Variants in AKAP6 observed in about 807,000 individuals in gnomAD.
AKAP6 encodes A-kinase anchor protein 6.
AKAP6 carries 58 observed loss-of-function variants against 188.5 expected under a neutral mutation model. The observed-to-expected ratio is 0.31, with a 90% CI of 0.25 to 0.38. The LOEUF is 0.38. Ranked by LOEUF, AKAP6 falls within the 10% of genes least tolerant of loss-of-function variation. The pLI, the probability that AKAP6 is intolerant of heterozygous loss-of-function variation, is 1.00. For synonymous variants in AKAP6, 989 were observed against 998.6 expected (o/e 0.99, Z 0.18); for missense variants, 2,710 against 2,740.0 (o/e 0.99, Z 0.24).
chr14:32,671,096 G>A (rs1201203672), intron 7 of AKAP6, among the ~76,000 whole-genome samples: 1 of 152,218 alleles, frequency 6.6e-6, no homozygotes, highest in Non-Finnish European at 1.5e-5. Flanking sequence ...TGATAAGTAT[G>A]TAGGAAAGAG....
At chr14:32,355,989 G>C (rs1305840980) in intron 1 of AKAP6, among the ~76,000 whole-genome samples, 1 of 151,956 alleles carries the variant, frequency 6.6e-6, no homozygotes, top group Non-Finnish European at 1.5e-5. Flanking sequence ...ATGTTGCCCA[G>C]GCTGATCTCA....
chr14:32,823,915 C>T lies in AKAP6; in HGVS notation c.6102C>T (p.Ser2034=), dbSNP rs769885051. Residue 2034 remains serine, a synonymous_variant, in exon 13 of 14, where the codon AGC becomes AGT. Transcript: ENST00000280979. Reference sequence around the variant, plus strand: ...GAACAGAGGAAAATGCTTCTATCAGCAACATTTCCTGTTGCAACTGTGAGC... The same window carrying T: ...GAACAGAGGAAAATGCTTCTATCAGTAACATTTCCTGTTGCAACTGTGAGC... ...QNGTEENASI[S]NISCCNCEPD... is the part of the protein sequence containing the mutation. 4 of 1,613,872 alleles carry T rather than the reference C, an allele frequency of 2.5e-6. No homozygotes were observed. Among genetic ancestry groups the T allele is most frequent in the East Asian group, 4.5e-5 (2 of 44,872 alleles).
At chr14:32,409,783 T>C in intron 1 of AKAP6, among the ~76,000 whole-genome samples, 1 of 152,230 alleles carries the variant, frequency 6.6e-6, no homozygotes, top group Non-Finnish European at 1.5e-5. Context: ...TGATGTCAGA[T>C]GCTCATCTCT....
Position 32,837,413 on chromosome 14 carries a change from A to G in AKAP6, c.*7608A>G, listed in dbSNP as rs1452409679. On this transcript the variant is annotated 3_prime_UTR_variant, in exon 14 of 14. Transcript: ENST00000280979. ...TTTATTCAAGGACTTAAAATGATTG[A>G]AGGCATTAGGAACATAAAAATGCAT... 6.6e-6 allele frequency: 1 copy of G among 152,238 alleles called. No individual in the cohort carries two copies. The highest frequency in any genetic ancestry group is 1.5e-5 in the Non-Finnish European group (1 of 68,038). The allele number at this position is 152,238 out of a possible 1,614,324, so 9.4% of individuals were successfully genotyped here.
intron 1 of AKAP6, among the ~76,000 whole-genome samples, chr14:32,356,631 T>G (rs189765662): frequency 2.0e-5 from 3 of 152,302 alleles, no homozygotes; most frequent in African/African-American, 7.2e-5. Context: ...AATTCATAGT[T>G]CATTGTATGT....
In AKAP6 at chr14:32,832,277, G is replaced by A. The variant is rs1344097870; in HGVS notation, c.*2472G>A. On this transcript the variant is annotated 3_prime_UTR_variant, in exon 14 of 14. Transcript: ENST00000280979. ...TCCTAGAGTCTTTGAAATTTCTAAG[G>A]GCATTCTAGACCTCTGTTGGGATAT... 1 of 151,800 alleles carries A rather than the reference G, an allele frequency of 6.6e-6. No individual in the cohort carries two copies. Among genetic ancestry groups the A allele is most frequent in the Non-Finnish European group, 1.5e-5 (1 of 67,972 alleles). 9.4% of individuals were successfully genotyped at this position (151,800 alleles called of 1,614,324 possible). A position where few individuals can be genotyped will look rare whatever the true frequency, so the allele number is the denominator to read the frequency against.
intron 1 of AKAP6, among the ~76,000 whole-genome samples, chr14:32,383,036 T>C (rs1328903112): frequency 3.9e-5 from 6 of 151,962 alleles, no homozygotes; most frequent in Non-Finnish European, 8.8e-5. Context: ...TTATGCTTCA[T>C]TCTAGAATTA....
At chr14:32,506,508 CTT>C (rs1182098811) in intron 2 of AKAP6, among the ~76,000 whole-genome samples, 1 of 152,056 alleles carries the variant, frequency 6.6e-6, no homozygotes, top group Non-Finnish European at 1.5e-5. Flanking sequence ...TCTTTGTAGT[CTT>C]TTATTTTCAG....
chr14:32,578,560 G>A (rs1255488212), intron 5 of AKAP6, among the ~76,000 whole-genome samples: 2 of 152,090 alleles, frequency 1.3e-5, no homozygotes, highest in Non-Finnish European at 2.9e-5. Context: ...GATATTCAGT[G>A]CTTTATGATG....
At chr14:32,700,388 A>G (rs895350670) in intron 9 of AKAP6, among the ~76,000 whole-genome samples, 1 of 152,168 alleles carries the variant, frequency 6.6e-6, no homozygotes, top group Non-Finnish European at 1.5e-5. Flanking sequence ...TATTGTTATA[A>G]TTAAACAAGA....
intron 5 of AKAP6, among the ~76,000 whole-genome samples, chr14:32,594,337 A>G (rs7153287): frequency 2.0e-5 from 3 of 152,142 alleles, no homozygotes; most frequent in Admixed American, 6.5e-5. Flanking sequence ...ACTTACATAT[A>G]TGTAATTTTA....
chr14:32,633,312 C>T (rs1887351769), intron 7 of AKAP6, among the ~76,000 whole-genome samples: 1 of 152,092 alleles, frequency 6.6e-6, no homozygotes. Flanking sequence ...GAGATTTCAT[C>T]CCCTTCTACG....
chr14:32,632,962 C>T (rs1012290754), intron 7 of AKAP6, among the ~76,000 whole-genome samples: 4 of 151,974 alleles, frequency 2.6e-5, no homozygotes, highest in Non-Finnish European at 5.9e-5. Context: ...AATAATTTAT[C>T]GGATCAGCAG....
At chr14:32,669,786 A>G (rs1382940061) in intron 7 of AKAP6, among the ~76,000 whole-genome samples, 1 of 152,134 alleles carries the variant, frequency 6.6e-6, no homozygotes, top group African/African-American at 2.4e-5. Flanking sequence ...CGGCAGCAAG[A>G]AGAAGTGCCG....
intron 12 of AKAP6, among the ~76,000 whole-genome samples, chr14:32,815,118 TTTTTCA>T (rs1159496578): frequency 1.3e-5 from 2 of 152,222 alleles, no homozygotes; most frequent in African/African-American, 4.8e-5. Flanking sequence ...ATCTAATGGA[TTTTTCA>T]TTTTCAACTA....
chr14:32,755,715 A>G (rs1007624423), intron 11 of AKAP6, among the ~76,000 whole-genome samples: 6 of 152,070 alleles, frequency 3.9e-5, no homozygotes, highest in African/African-American at 1.2e-4. Context: ...TTTTGTACAG[A>G]CAAGGTTTCA....
At chr14:32,703,454 C>T (rs1398491895) in intron 9 of AKAP6, among the ~76,000 whole-genome samples, 1 of 152,134 alleles carries the variant, frequency 6.6e-6, no homozygotes, top group African/African-American at 2.4e-5. Context: ...ACAGAACTTT[C>T]CTCAGAAAAC....
intron 1 of AKAP6, among the ~76,000 whole-genome samples, chr14:32,347,687 G>A (rs559795706): frequency 6.6e-6 from 1 of 152,330 alleles, no homozygotes; most frequent in South Asian, 2.1e-4. Flanking sequence ...ATTCCATGCT[G>A]TCTTTGTAAT....
chr14:32,368,578 G>C (rs891385588), intron 1 of AKAP6, among the ~76,000 whole-genome samples: 25 of 152,032 alleles, frequency 1.6e-4, no homozygotes, highest in African/African-American at 5.8e-4. Context: ...GGTAGAGGTG[G>C]GGGAAGGAGG....
Sources: allele counts gnomAD v4.1 joint callset (sites outside exome capture counted in the v4.1 genomes callset), GRCh38; gene constraint gnomAD v4.1.1; transcripts MANE v1.5; gene names NCBI Gene and HGNC (gene_info 2026-07-23, HGNC 2026-07-21).